The following SPSB4 variants were observed in gnomAD, a reference collection of about 807,000 sequenced individuals.
The protein encoded by SPSB4 is SPRY domain-containing SOCS box protein 4.
SPSB4 carries 21 observed loss-of-function variants against 20.9 expected under a neutral mutation model. The ratio of observed to expected loss-of-function variants is 1.01; its 90% CI spans 0.71 to 1.45. The LOEUF (loss-of-function observed/expected upper bound fraction) is 1.45, where lower values mean the gene tolerates loss of function less well. SPSB4 is among the 40% of genes most tolerant of loss of function. The pLI, the probability that SPSB4 is intolerant of heterozygous loss-of-function variation, is 0.00. For synonymous variants in SPSB4, 207 were observed against 183.8 expected (o/e 1.13, Z -1.02); for missense variants, 399 against 399.2 (o/e 1.00, Z 0.00).
chr3:141,053,121 G>A (rs936275689), intron 1 of SPSB4, among the ~76,000 whole-genome samples: 4 of 151,906 alleles, frequency 2.6e-5, no homozygotes, highest in African/African-American at 4.8e-5. Context: ...CCTCTTCTGC[G>A]CCCCACTCTC....
chr3:141,125,771 G>T (rs1171217950), intron 2 of SPSB4, among the ~76,000 whole-genome samples: 1 of 152,172 alleles, frequency 6.6e-6, no homozygotes, highest in Non-Finnish European at 1.5e-5. Flanking sequence ...TGCATATTGG[G>T]CTCATTTTGA....
At chr3:141,062,622 G>C (rs1937787084) in intron 1 of SPSB4, among the ~76,000 whole-genome samples, 1 of 152,032 alleles carries the variant, frequency 6.6e-6, no homozygotes, top group Non-Finnish European at 1.5e-5. Context: ...ATTTCTATAT[G>C]GATTTCTTTT....
intron 2 of SPSB4, among the ~76,000 whole-genome samples, chr3:141,105,353 C>G (rs140523586): frequency 1.3e-5 from 2 of 152,182 alleles, no homozygotes; most frequent in African/African-American, 4.8e-5. Flanking sequence ...ACATCCCCTA[C>G]AAAGCCCCAT....
At chr3:141,115,575 A>G (rs1232445526) in intron 2 of SPSB4, among the ~76,000 whole-genome samples, 1 of 152,224 alleles carries the variant, frequency 6.6e-6, no homozygotes. Flanking sequence ...TAAATTGCAA[A>G]TGTATTTGTG....
intron 2 of SPSB4, among the ~76,000 whole-genome samples, chr3:141,086,753 T>A (rs991706805): frequency 3.3e-5 from 5 of 152,238 alleles, no homozygotes; most frequent in Non-Finnish European, 7.3e-5. Context: ...TGGTGAAGAT[T>A]ATAAAATGAT....
At chr3:141,072,085 G>T (rs1938019916) in intron 2 of SPSB4, among the ~76,000 whole-genome samples, 1 of 152,212 alleles carries the variant, frequency 6.6e-6, no homozygotes, top group Non-Finnish European at 1.5e-5. Context: ...TCGCCCCTTT[G>T]CCCCCATCCC....
At chr3:141,128,390 G>A (rs1442715441) in intron 2 of SPSB4, among the ~76,000 whole-genome samples, 1 of 152,220 alleles carries the variant, frequency 6.6e-6, no homozygotes, top group Non-Finnish European at 1.5e-5. Context: ...CACTGGGCCA[G>A]TGGTCAGTGG....
At chr3:141,141,383 T>G (rs910438564) in intron 2 of SPSB4, among the ~76,000 whole-genome samples, 6 of 152,168 alleles carry the variant, frequency 3.9e-5, no homozygotes, top group African/African-American at 1.4e-4. Context: ...ACCCGGTACC[T>G]CAGTTGGAAA....
At chr3:141,065,344 G>A (rs561637768) in intron 1 of SPSB4, among the ~76,000 whole-genome samples, 28 of 152,254 alleles carry the variant, frequency 1.8e-4, no homozygotes, top group African/African-American at 6.3e-4. Flanking sequence ...GTGTCTTGCC[G>A]CTCAAGCCTG....
chr3:141,126,180 T>A (rs1009047363), intron 2 of SPSB4, among the ~76,000 whole-genome samples: 16 of 152,078 alleles, frequency 1.1e-4, no homozygotes, highest in Non-Finnish European at 1.9e-4. Context: ...AAAGAGAAGC[T>A]CAGAGAGGGA....
At chr3:141,097,409 T>TTTTG (rs539056524) in intron 2 of SPSB4, among the ~76,000 whole-genome samples, 29 of 152,258 alleles carry the variant, frequency 1.9e-4, no homozygotes, top group Middle Eastern at 6.8e-3. Flanking sequence ...CATATTCTGT[T>TTTTG]TTTGTTTGTT....
intron 2 of SPSB4, among the ~76,000 whole-genome samples, chr3:141,087,020 G>C (rs1938356976): frequency 1.3e-5 from 2 of 152,282 alleles, no homozygotes; most frequent in South Asian, 2.1e-4. Flanking sequence ...CAGAGGGAAG[G>C]GGATAAAGGT....
chr3:141,130,041 G>A (rs1047306439), intron 2 of SPSB4, among the ~76,000 whole-genome samples: 3 of 152,146 alleles, frequency 2.0e-5, no homozygotes, highest in Non-Finnish European at 2.9e-5. Context: ...AACAGAAAAC[G>A]CTCCAAATTC....
chr3:141,071,995 G>A (rs375530757), intron 2 of SPSB4, among the ~76,000 whole-genome samples: 2 of 152,202 alleles, frequency 1.3e-5, no homozygotes, highest in South Asian at 2.1e-4. Flanking sequence ...AGACCTTCTC[G>A]CTAGACCCCC....
chr3:141,145,189 AAAT>A (rs897919347), intron 2 of SPSB4, among the ~76,000 whole-genome samples: 2 of 151,888 alleles, frequency 1.3e-5, no homozygotes, highest in Admixed American at 6.6e-5. Context: ...TATACAATAA[AAAT>A]AATAATTATT....
intron 2 of SPSB4, among the ~76,000 whole-genome samples, chr3:141,114,190 A>C (rs533233262): frequency 6.6e-6 from 1 of 152,346 alleles, no homozygotes; most frequent in East Asian, 1.9e-4. Flanking sequence ...GAATTCAGTC[A>C]ACAGGTCAGC....
chr3:141,067,973 C>T (rs1214577629), intron 2 of SPSB4, among the ~76,000 whole-genome samples: 1 of 152,216 alleles, frequency 6.6e-6, no homozygotes, highest in Non-Finnish European at 1.5e-5. Flanking sequence ...TCAGGGTTCC[C>T]CCCAGTTCTG....
At chr3:141,108,367 C>T (rs1034018360) in intron 2 of SPSB4, among the ~76,000 whole-genome samples, 1 of 152,210 alleles carries the variant, frequency 6.6e-6, no homozygotes, top group Admixed American at 6.5e-5. Context: ...GAGATCACTT[C>T]TTGCTGCAGG....
At chr3:141,073,481 T>A (rs1370263154) in intron 2 of SPSB4, among the ~76,000 whole-genome samples, 4 of 152,230 alleles carry the variant, frequency 2.6e-5, no homozygotes, top group African/African-American at 9.6e-5. Flanking sequence ...TTACATAGTG[T>A]GTAGTCAACA....
Sources: gnomAD v4.1 joint callset for allele counts (sites outside exome capture counted in the v4.1 genomes callset) on GRCh38, gnomAD v4.1.1 for gene constraint, MANE v1.5 for transcripts, NCBI Gene and HGNC (gene_info 2026-07-23, HGNC 2026-07-21) for gene names.